Variants in SNCAIP observed in about 807,000 individuals in gnomAD.
The protein encoded by SNCAIP is synuclein alpha interacting protein.
Under a neutral mutation model 86.7 loss-of-function variants are expected in SNCAIP, and 43 were observed. The ratio of observed to expected loss-of-function variants is 0.50; its 90% CI spans 0.39 to 0.64. SNCAIP has a LOEUF of 0.64. Among genes scored for constraint, SNCAIP ranks in the 30% least tolerant of loss-of-function variants. The probability of loss-of-function intolerance (pLI) is 0.00; values close to 1 mark genes in which losing one functional copy is unlikely to be tolerated. For missense variants in SNCAIP, 981 were observed against 1,103.1 expected (o/e 0.89, Z 1.57); for synonymous variants, 417 against 427.2 (o/e 0.98, Z 0.29).
At chr5:122,358,187 GTGTGTGTGTGTGTGTGTATA>G (rs1761442777) in intron 1 of SNCAIP, among the ~76,000 whole-genome samples, 2 of 87,460 alleles carry the variant, frequency 2.3e-5, no homozygotes, top group African/African-American at 9.1e-5. Context: ...GTGTGTGTGT[GTGTGTGTGTGTGTGTGTATA>G]TATATATATA....
intron 1 of SNCAIP, among the ~76,000 whole-genome samples, chr5:122,327,001 G>C (rs1022705373): frequency 1.3e-5 from 2 of 151,448 alleles, no homozygotes; most frequent in East Asian, 3.9e-4. Flanking sequence ...TTCTGGAGGA[G>C]ATACTAGATC....
At position 122,403,940 on chromosome 5, in the gene SNCAIP, C is replaced by T. The variant is rs376868697; in HGVS notation, c.130+75C>T. The T allele has an allele frequency of 1.0e-4, 111 of 1,071,002 alleles. No individual in the cohort carries two copies. In the African/African-American group the frequency reaches 1.4e-3, roughly 14 times the overall value. The allele number at this position is 1,071,002 out of a possible 1,614,324, so 66.3% of individuals were successfully genotyped here. A position where few individuals can be genotyped will look rare whatever the true frequency, so the allele number is the denominator to read the frequency against. On this transcript the variant is annotated intron_variant, in intron 3 of 10. Coordinates refer to ENST00000261368, the MANE Select transcript of SNCAIP (RefSeq NM_005460.4). ...GCTCCTGGAAAGCTGTTTTTCCTCACACTGGTCCCCCCTGCTTTCAGTTTT... is the reference window on the plus strand; with the variant it reads ...GCTCCTGGAAAGCTGTTTTTCCTCATACTGGTCCCCCCTGCTTTCAGTTTT...
intron 2 of SNCAIP, chr5:122,400,961 C>T: frequency 6.5e-7 from 1 of 1,530,270 alleles, no homozygotes; most frequent in African/African-American, 1.4e-5. Context: ...AACTGCAAGC[C>T]CCCTCTTCAC....
intron 1 of SNCAIP, among the ~76,000 whole-genome samples, chr5:122,328,227 T>G (rs1396941749): frequency 6.6e-6 from 1 of 152,236 alleles, no homozygotes; most frequent in Non-Finnish European, 1.5e-5. Context: ...ATGTCACTCA[T>G]TCTCAAGGTT....
intron 1 of SNCAIP, among the ~76,000 whole-genome samples, chr5:122,343,861 T>G (rs1758069425): frequency 6.6e-6 from 1 of 152,236 alleles, no homozygotes; most frequent in South Asian, 2.1e-4. Flanking sequence ...AACCAGTTCT[T>G]GTCTTAACAA....
At chr5:122,393,399 A>G (rs1186542227) in intron 2 of SNCAIP, among the ~76,000 whole-genome samples, 1 of 152,190 alleles carries the variant, frequency 6.6e-6, no homozygotes, top group Non-Finnish European at 1.5e-5. Flanking sequence ...AAACTGCAGC[A>G]TGAAGATTTT....
At position 122,450,954 on chromosome 5, in the gene SNCAIP, C is replaced by T; in HGVS notation, c.2107C>T (p.Pro703Ser). ...GAAGGCTGACCGACCAAGGCCGCAG[C>T]CCATTGTAGAAAGCGTAGAGAGTAT... ...VRKADRPRPQPIVESVESMDS... is the reference protein window; with the variant it reads ...VRKADRPRPQSIVESVESMDS... Residue 703 changes from proline (P) to serine (S), a missense_variant, in exon 10 of 11, where the codon CCC becomes TCC. Pro to Ser is a moderately conservative substitution (Grantham distance 74). Transcript: ENST00000261368. 1 of 1,614,120 alleles carries T rather than the reference C, an allele frequency of 6.2e-7. No individual in the cohort carries two copies. Among genetic ancestry groups the T allele is most frequent in the East Asian group, 2.2e-5 (1 of 44,882 alleles).
chr5:122,342,733 C>A (rs982008250), intron 1 of SNCAIP, among the ~76,000 whole-genome samples: 2 of 152,206 alleles, frequency 1.3e-5, no homozygotes, highest in East Asian at 1.9e-4. Context: ...AGCCCTGTGT[C>A]CCCTGCACCA....
chr5:122,400,847 A>G (rs1429598679), intron 2 of SNCAIP: 2 of 924,560 alleles, frequency 2.2e-6, no homozygotes, highest in Non-Finnish European at 3.0e-6. Context: ...AGAAGTCTGG[A>G]AAACAAATTT....
chr5:122,414,634 A>T (rs10066937), intron 3 of SNCAIP, among the ~76,000 whole-genome samples: 2 of 152,096 alleles, frequency 1.3e-5, no homozygotes, highest in East Asian at 3.9e-4. Flanking sequence ...GAGTGAATCC[A>T]AAATGAGTAC....
rs772310029 is a variant in SNCAIP at position 122,451,514 on chromosome 5, C to A, written c.2667C>A (p.Thr889=). 1 of 1,613,804 alleles carries A rather than the reference C, an allele frequency of 6.2e-7. No homozygotes were observed. Among genetic ancestry groups the A allele is most frequent in the Admixed American group, 1.7e-5 (1 of 60,024 alleles). ...ACCAGGCAGCCAACCAGCTGAAAAC[C>A]TCTACATTGCCCTTGACCTCACTTG... ...NNYQAANQLK[T]STLPLTSLGR... The change falls in exon 10 of 11, where the codon ACC becomes ACA. Residue 889 remains threonine, a synonymous_variant. Coordinates refer to ENST00000261368, the MANE Select transcript of SNCAIP (RefSeq NM_005460.4).
intron 1 of SNCAIP, among the ~76,000 whole-genome samples, chr5:122,332,931 T>A (rs1359821947): frequency 6.6e-6 from 1 of 152,192 alleles, no homozygotes; most frequent in Non-Finnish European, 1.5e-5. Flanking sequence ...CACACTAAGA[T>A]GCTAAATAGT....
intron 3 of SNCAIP, among the ~76,000 whole-genome samples, chr5:122,414,807 G>A (rs1774958183): frequency 6.6e-6 from 1 of 152,174 alleles, no homozygotes; most frequent in African/African-American, 2.4e-5. Context: ...AAGTCAGCAT[G>A]CTATGTCATT....
chr5:122,376,486 G>A (rs1323135195), intron 1 of SNCAIP, among the ~76,000 whole-genome samples: 1 of 152,062 alleles, frequency 6.6e-6, no homozygotes, highest in African/African-American at 2.4e-5. Flanking sequence ...AGACATGATT[G>A]GTTGGCTTAA....
chr5:122,333,396 C>A (rs1369060497), intron 1 of SNCAIP, among the ~76,000 whole-genome samples: 3 of 152,224 alleles, frequency 2.0e-5, no homozygotes, highest in Non-Finnish European at 4.4e-5. Flanking sequence ...AGTTTATTGA[C>A]TTCCGCTAGG....
At chr5:122,452,793 C>T (rs753838275) in intron 10 of SNCAIP, 47 of 606,402 alleles carry the variant, frequency 7.8e-5, no homozygotes, top group Admixed American at 4.3e-4. Context: ...ATTGCCCATG[C>T]TCCTTAAAGT....
At chr5:122,438,058 T>C (rs909931204) in intron 6 of SNCAIP, among the ~76,000 whole-genome samples, 1 of 152,214 alleles carries the variant, frequency 6.6e-6, no homozygotes, top group African/African-American at 2.4e-5. Flanking sequence ...AACAAGAAGA[T>C]ACATGTAAAA....
intron 10 of SNCAIP, chr5:122,451,833 T>TAAGA: frequency 2.0e-6 from 1 of 495,088 alleles, no homozygotes; most frequent in Non-Finnish European, 3.6e-6. Context: ...AAAAAAAAAA[T>TAAGA]AAGAGATTAT....
intron 1 of SNCAIP, among the ~76,000 whole-genome samples, chr5:122,344,871 A>T (rs1244135617): frequency 6.6e-6 from 1 of 152,214 alleles, no homozygotes; most frequent in Non-Finnish European, 1.5e-5. Flanking sequence ...TATCCTCAAT[A>T]ATTTGAACTG....
Sources: allele counts gnomAD v4.1 joint callset (sites outside exome capture counted in the v4.1 genomes callset), GRCh38; gene constraint gnomAD v4.1.1; transcripts MANE v1.5; gene names NCBI Gene and HGNC (gene_info 2026-07-23, HGNC 2026-07-21).